Variants in PEBP4 observed in about 807,000 individuals in gnomAD.
PEBP4 encodes phosphatidylethanolamine-binding protein 4.
In PEBP4, 22 loss-of-function variants were observed where a neutral mutation model predicts 23.9. The observed-to-expected ratio is 0.92, with a 90% CI of 0.66 to 1.31. PEBP4 has a LOEUF of 1.31. Ranked by LOEUF, PEBP4 falls within the 40% of genes most tolerant of loss-of-function variation. PEBP4 has a pLI of 0.00. For missense variants in PEBP4, 324 were observed against 281.7 expected (o/e 1.15, Z -1.07); for synonymous variants, 112 against 99.3 (o/e 1.13, Z -0.76).
intron 4 of PEBP4, among the ~76,000 whole-genome samples, chr8:22,772,709 A>T (rs1237350109): frequency 6.6e-6 from 1 of 152,132 alleles, no homozygotes; most frequent in Admixed American, 6.5e-5. Flanking sequence ...AGAGCTATGA[A>T]CTGAGAGGCT....
intron 3 of PEBP4, among the ~76,000 whole-genome samples, chr8:22,845,386 AT>A: frequency 7.3e-6 from 1 of 136,792 alleles, no homozygotes; most frequent in East Asian, 2.1e-4. Flanking sequence ...AAAAAAAAAA[AT>A]TGCTGGGTGT....
intron 4 of PEBP4, among the ~76,000 whole-genome samples, chr8:22,770,253 A>G (rs1250417942): frequency 6.6e-6 from 1 of 152,204 alleles, no homozygotes; most frequent in African/African-American, 2.4e-5. Flanking sequence ...AGCAAGGAGC[A>G]GTCAACAGCT....
intron 3 of PEBP4, chr8:22,887,898 C>T (rs1808416216): frequency 6.6e-6 from 1 of 152,226 alleles, no homozygotes; most frequent in Non-Finnish European, 1.5e-5. Context: ...GGAGCTGCTT[C>T]AGTAGGTAAC....
At chr8:22,752,138 G>T (rs1016099162) in intron 4 of PEBP4, among the ~76,000 whole-genome samples, 1 of 152,074 alleles carries the variant, frequency 6.6e-6, no homozygotes, top group Non-Finnish European at 1.5e-5. Flanking sequence ...CTCACTCCTG[G>T]CCTCAAGCAG....
intron 4 of PEBP4, among the ~76,000 whole-genome samples, chr8:22,810,669 G>GT (rs1806600094): frequency 7.7e-6 from 1 of 129,130 alleles, no homozygotes; most frequent in African/African-American, 3.0e-5. Flanking sequence ...CTCATGGAGG[G>GT]GTGTGTGTGT....
chr8:22,923,813 C>T (rs996978546), intron 2 of PEBP4, among the ~76,000 whole-genome samples: 10 of 152,086 alleles, frequency 6.6e-5, no homozygotes, highest in South Asian at 4.1e-4. Flanking sequence ...CATGTGAAGT[C>T]GCAGCAAGAA....
intron 3 of PEBP4, among the ~76,000 whole-genome samples, chr8:22,833,899 G>C (rs1807144183): frequency 6.6e-6 from 1 of 152,158 alleles, no homozygotes; most frequent in South Asian, 2.1e-4. Context: ...TGTAGAGTTA[G>C]GGACAAGAAT....
chr8:22,880,851 C>G (rs1460264192), intron 3 of PEBP4, among the ~76,000 whole-genome samples: 1 of 152,224 alleles, frequency 6.6e-6, no homozygotes, highest in African/African-American at 2.4e-5. Context: ...CCACCAGGAG[C>G]TTCTATAGAC....
intron 3 of PEBP4, among the ~76,000 whole-genome samples, chr8:22,833,393 G>A (rs549699601): frequency 5.9e-5 from 9 of 152,250 alleles, no homozygotes; most frequent in South Asian, 2.1e-4. Context: ...GTGCAGTGGC[G>A]CGATCTCGGC....
chr8:22,911,004 G>C (rs993039419), intron 3 of PEBP4, among the ~76,000 whole-genome samples: 1 of 152,110 alleles, frequency 6.6e-6, no homozygotes, highest in African/African-American at 2.4e-5. Flanking sequence ...CGCTCTGGTG[G>C]GGGGAGCTGA....
chr8:22,837,760 A>G (rs925226246), intron 3 of PEBP4, among the ~76,000 whole-genome samples: 5 of 152,104 alleles, frequency 3.3e-5, no homozygotes, highest in Admixed American at 2.0e-4. Flanking sequence ...CTTGGACCAG[A>G]GAAGCTGTCC....
chr8:22,774,593 G>A (rs1030762226), intron 4 of PEBP4, among the ~76,000 whole-genome samples: 1 of 152,186 alleles, frequency 6.6e-6, no homozygotes, highest in African/African-American at 2.4e-5. Context: ...AATCACCGAT[G>A]GGGGGTAGGG....
intron 4 of PEBP4, among the ~76,000 whole-genome samples, chr8:22,799,351 C>T (rs1008460853): frequency 1.3e-5 from 2 of 152,172 alleles, no homozygotes; most frequent in African/African-American, 4.8e-5. Flanking sequence ...TGTGACTAGC[C>T]CTTTCCAGCC....
chr8:22,809,854 G>A (rs903836964), intron 4 of PEBP4, among the ~76,000 whole-genome samples: 7 of 152,178 alleles, frequency 4.6e-5, no homozygotes, highest in Non-Finnish European at 1.0e-4. Flanking sequence ...GAGACAATAT[G>A]CCAGGTGGAG....
At chr8:22,786,029 C>T (rs751124342) in intron 4 of PEBP4, among the ~76,000 whole-genome samples, 7 of 152,180 alleles carry the variant, frequency 4.6e-5, no homozygotes, top group African/African-American at 9.7e-5. Flanking sequence ...TAAAATAAGA[C>T]AGTGCATGTT....
chr8:22,900,477 T>C (rs1310483869), intron 3 of PEBP4, among the ~76,000 whole-genome samples: 4 of 151,890 alleles, frequency 2.6e-5, no homozygotes, highest in African/African-American at 9.7e-5. Context: ...GGTGAAACCC[T>C]GTCTCTACTA....
intron 4 of PEBP4, among the ~76,000 whole-genome samples, chr8:22,738,098 T>C (rs1804908831): frequency 6.6e-6 from 1 of 152,200 alleles, no homozygotes; most frequent in Admixed American, 6.5e-5. Context: ...CTGTGAATGT[T>C]GGGCCTGCCC....
intron 3 of PEBP4, among the ~76,000 whole-genome samples, chr8:22,819,790 T>C (rs1806819521): frequency 6.6e-6 from 1 of 152,064 alleles, no homozygotes. Flanking sequence ...ATATTTTTAG[T>C]AGAGACGGGG....
intron 3 of PEBP4, among the ~76,000 whole-genome samples, chr8:22,837,890 C>CTTTTTTTTTTTTTTTTTT (rs746772591): frequency 1.5e-5 from 1 of 64,552 alleles, no homozygotes; most frequent in Admixed American, 2.1e-4. Context: ...TTATTATATT[C>CTTTTTTTTTTTTTTTTTT]TTTTTTTTTT....
Sources: gnomAD v4.1 joint callset for allele counts (sites outside exome capture counted in the v4.1 genomes callset) on GRCh38, gnomAD v4.1.1 for gene constraint, MANE v1.5 for transcripts, NCBI Gene and HGNC (gene_info 2026-07-23, HGNC 2026-07-21) for gene names.